MYO18A: variants seen among roughly 807,000 people sequenced by gnomAD.
MYO18A encodes the protein myosin XVIIIA.
A neutral mutation model predicts 235.8 loss-of-function variants in MYO18A; 78 were observed. That is an observed-to-expected ratio of 0.33 (90% CI 0.28 to 0.40). The LOEUF (loss-of-function observed/expected upper bound fraction) is 0.40. Among genes scored for constraint, MYO18A ranks in the 10% least tolerant of loss-of-function variants. MYO18A has a pLI of 1.00. For synonymous variants in MYO18A, 977 were observed against 1,077.8 expected (o/e 0.91, Z 1.83); for missense variants, 2,215 against 2,699.3 (o/e 0.82, Z 3.98).
chr17:29,145,983 C>T (rs1032500308), intron 2 of MYO18A, among the ~76,000 whole-genome samples: 3 of 152,280 alleles, frequency 2.0e-5, no homozygotes, highest in Middle Eastern at 3.4e-3. Context: ...GCCAGGCAGG[C>T]GTAGTGGCTC....
chr17:29,115,991 GC>G, intron 11 of MYO18A, 151 bp from the exon 12 acceptor site: 1 of 764,240 alleles, frequency 1.3e-6, no homozygotes, highest in East Asian at 2.8e-5. Context: ...GGGGCAGCCA[GC>G]AGTGGCCAGC....
At chr17:29,154,121 T>TGTGTGTGTGTGTGTGCGCGC (rs142430455) in intron 2 of MYO18A, among the ~76,000 whole-genome samples, 15,845 of 148,468 alleles carry the variant, frequency 0.11, 1,010 homozygotes, top group East Asian at 0.18. Flanking sequence ...TGTGTGTGTG[T>TGTGTGTGTGTGTGTGCGCGC]GCGCGCGCGT....
rs1233141010 is a variant in MYO18A, at chr17:29,121,526, G to A, written c.1371+21C>T. 1 of 1,582,836 alleles carries A rather than the reference G, an allele frequency of 6.3e-7. No individual in the cohort carries two copies. The highest frequency in any genetic ancestry group is 8.6e-7 in the Non-Finnish European group (1 of 1,163,972). On this transcript the variant is annotated intron_variant, in intron 5 of 41. Coordinates refer to ENST00000527372, the MANE Select transcript of MYO18A (RefSeq NM_078471.4). This position sits in a 1 kb window ranked among gnomAD's most constrained non-coding sequence, Gnocchi z 4.2. ...GGGGGTGGGACCAGGAGTCTGCAGG[G>A]TAGCCTTGAGGGTGCTGCACCTTCT...
Position 29,085,627 on chromosome 17 carries a change from C to CT in MYO18A, c.5873dup (p.Tyr1959ValfsTer7), listed in dbSNP as rs761339424. On this transcript the variant is annotated frameshift_variant, in exon 40 of 42. Transcript: ENST00000527372. LOFTEE classifies it high-confidence loss of function. Reference sequence around the variant, plus strand: ...ACAGTTTATTCTTTCTTTTCTGATACTTTGTCACCATGTCCTGCAAACTGG... The same window carrying CT: ...ACAGTTTATTCTTTCTTTTCTGATACTTTTGTCACCATGTCCTGCAAACTGG... 1 of 1,614,044 alleles carries CT rather than the reference C, an allele frequency of 6.2e-7. No individual in the cohort carries two copies. The highest frequency in any genetic ancestry group is 1.1e-5 in the South Asian group (1 of 91,086).
At position 29,158,716 on chromosome 17, in the gene MYO18A, G is replaced by A. The variant is rs1243086574; in HGVS notation, c.999+7226C>T. Among the ~76,000 whole-genome samples, 3 of 152,192 alleles carry A rather than the reference G, an allele frequency of 2.0e-5. No individual in the cohort carries two copies. The highest frequency in any genetic ancestry group is 1.9e-4 in the East Asian group (1 of 5,186). ...CAGCAGCTTAGTGCATTGGGGTGGC[G>A]GGAGCCCTGCTGGCAGGCAGCGCGT... On this transcript the variant is annotated intron_variant, in intron 2 of 41. Transcript: ENST00000527372. This position sits in a 1 kb window ranked among gnomAD's most constrained non-coding sequence, Gnocchi z 4.3.
At chr17:29,169,677 C>A (rs1302427106) in intron 1 of MYO18A, among the ~76,000 whole-genome samples, 2 of 152,138 alleles carry the variant, frequency 1.3e-5, no homozygotes, top group Non-Finnish European at 2.9e-5. Context: ...ACTCCAGGGG[C>A]ACTTGTGGAA....
chr17:29,131,637 G>C (rs2067476289), intron 2 of MYO18A, among the ~76,000 whole-genome samples: 1 of 152,224 alleles, frequency 6.6e-6, no homozygotes. Flanking sequence ...ATGACTTCAA[G>C]AATGAAGAGT....
At chr17:29,108,416 G>A (rs977867624) in intron 19 of MYO18A, among the ~76,000 whole-genome samples, 2 of 152,142 alleles carry the variant, frequency 1.3e-5, no homozygotes, top group African/African-American at 2.4e-5. Flanking sequence ...GGAGGGCCAC[G>A]AACTCCACTC....
In MYO18A at chr17:29,093,124, G is replaced by A. The variant is rs1375137006; in HGVS notation, c.4927-123C>T. 8.1e-6 allele frequency: 11 copies of A among 1,361,886 alleles called. No homozygotes were observed. In the South Asian group the frequency reaches 1.4e-4, roughly 17 times the overall value. 84.4% of individuals were successfully genotyped at this position (1,361,886 alleles called of 1,614,324 possible). ...CCCATAAGGATGCTGGAAGAGCCAG[G>A]GTCATGCCAACCAGCGATAAAGGGC... On this transcript the variant is annotated intron_variant, in intron 32 of 41. Transcript: ENST00000527372.
chr17:29,120,626 G>A lies in MYO18A; in HGVS notation c.1718C>T (p.Ala573Val). The A allele has an allele frequency of 2.5e-6, 4 of 1,613,700 alleles. No individual in the cohort carries two copies. The highest frequency in any genetic ancestry group is 2.5e-6 in the Non-Finnish European group (3 of 1,179,710). The change falls in exon 7 of 42, where the codon GCC (alanine) becomes GTC (valine). Residue 573 changes from alanine (A) to valine (V), a missense_variant. Physicochemically the swap from Ala to Val is moderately conservative, Grantham distance 64. Transcript: ENST00000527372. The surrounding 1 kb of genome is among the most constrained non-coding windows in gnomAD (Gnocchi z 4.2). ...GGGCAGCACTCTCACCTGAATGGAG[G>A]CTGAGGCCACCTGGCCAGCTTGGTC... Reference protein sequence around the residue: ...DFDQAGQVASASIQTMLLEKL... With the variant: ...DFDQAGQVASVSIQTMLLEKL...
rs998360649 is a variant in MYO18A, at chr17:29,126,267, C to G, written c.1000-4014G>C. On this transcript the variant is annotated intron_variant, in intron 2 of 41. Coordinates refer to ENST00000527372, the MANE Select transcript of MYO18A (RefSeq NM_078471.4). This position sits in a 1 kb window ranked among gnomAD's most constrained non-coding sequence, Gnocchi z 4.1. ...CAGGTGGCTAAACTCCAGGTCAGGG[C>G]ATGTCTCAGCTCCCATCTCCTCCCT... Among the ~76,000 whole-genome samples the G allele has an allele frequency of 7.9e-5, 12 of 151,078 alleles. No homozygotes were observed. The highest frequency in any genetic ancestry group is 2.9e-4 in the African/African-American group (12 of 41,308).
chr17:29,135,673 G>C (rs953215288), intron 2 of MYO18A, among the ~76,000 whole-genome samples: 11 of 152,206 alleles, frequency 7.2e-5, no homozygotes, highest in Admixed American at 5.2e-4. Context: ...CTGTTCCTCT[G>C]CATCAGCTGT....
chr17:29,117,951 G>T lies in MYO18A; in HGVS notation c.2038+94C>A. 1 of 1,421,288 alleles carries T rather than the reference G, an allele frequency of 7.0e-7. No individual in the cohort carries two copies. 88.0% of individuals were successfully genotyped at this position (1,421,288 alleles called of 1,614,324 possible). On this transcript the variant is annotated intron_variant, in intron 10 of 41. Coordinates refer to ENST00000527372, the MANE Select transcript of MYO18A (RefSeq NM_078471.4). This position sits in a 1 kb window ranked among gnomAD's most constrained non-coding sequence, Gnocchi z 4.6. ...AAGAGGGTTGTCTCAGAACGGCTAAGTCTGTGCTGGGCAAGAATAAACTGG... is the reference window on the plus strand; with the variant it reads ...AAGAGGGTTGTCTCAGAACGGCTAATTCTGTGCTGGGCAAGAATAAACTGG...
chr17:29,089,979 C>T lies in MYO18A; in HGVS notation c.5508G>A (p.Thr1836=), dbSNP rs764889687. The part of the protein sequence containing the change: ...ELETRLEFER[T]QVKRLESLAS... ...AACCCACCTCCAGCCGTTTCACTTG[C>T]GTCCTTTCAAACTCCAGGCGTGTCT... is the stretch of plus-strand genomic sequence containing the variant. The change falls in exon 37 of 42, where the codon ACG becomes ACA. Residue 1836 remains threonine (T), a synonymous_variant. Coordinates refer to ENST00000527372, the MANE Select transcript of MYO18A (RefSeq NM_078471.4). 54 of 1,613,930 alleles carry T rather than the reference C, an allele frequency of 3.3e-5. 1 individual carries two copies. Among genetic ancestry groups the T allele is most frequent in the South Asian group, 5.5e-5 (5 of 91,096 alleles).
In MYO18A at chr17:29,171,245, C is replaced by G. The variant is rs188124418; in HGVS notation, c.-81-4224G>C. On this transcript the variant is annotated intron_variant, in intron 1 of 41. Transcript: ENST00000527372. ...CAGGTGGATCATGAGGCCAAGAGAT[C>G]GAGACCATCCTGAAACCCCGTCTCT... Among the ~76,000 whole-genome samples the G allele has an allele frequency of 6.6e-5, 10 of 152,008 alleles. No individual in the cohort carries two copies. The East Asian group carries it at 7.8e-4, about 12-fold the overall frequency.
At chr17:29,154,121 T>TGTGTGTGTGTGTGC (rs142430455) in intron 2 of MYO18A, among the ~76,000 whole-genome samples, 9 of 148,998 alleles carry the variant, frequency 6.0e-5, no homozygotes, top group African/African-American at 2.3e-4. Flanking sequence ...TGTGTGTGTG[T>TGTGTGTGTGTGTGC]GCGCGCGCGT....
At chr17:29,130,983 T>C (rs2067458418) in intron 2 of MYO18A, among the ~76,000 whole-genome samples, 2 of 152,160 alleles carry the variant, frequency 1.3e-5, no homozygotes, top group South Asian at 4.1e-4. Context: ...TCCCAACAGC[T>C]GAGCTCTCAT....
chr17:29,080,821 A>G lies in MYO18A; in HGVS notation c.6020+1495T>C, dbSNP rs542739778. On this transcript the variant is annotated intron_variant, in intron 41 of 41. Transcript: ENST00000527372. ...TGGGCATGGCTCCTCCCTGGGGCCC[A>G]CATGGGCCTTCCTAGGGGGCCTCTC... The G allele has an allele frequency of 1.4e-4, 142 of 985,296 alleles. No homozygotes were observed. The African/African-American group carries it at 2.4e-3, about 17-fold the overall frequency. 61.0% of individuals were successfully genotyped at this position (985,296 alleles called of 1,614,324 possible). A position where few individuals can be genotyped will look rare whatever the true frequency, so the allele number is the denominator to read the frequency against.
At chr17:29,132,986 T>A (rs1211016517) in intron 2 of MYO18A, among the ~76,000 whole-genome samples, 1 of 152,186 alleles carries the variant, frequency 6.6e-6, no homozygotes, top group African/African-American at 2.4e-5. Flanking sequence ...GGACAAGTGT[T>A]CGCAAACCAC....
Sources: gnomAD v4.1 joint callset for allele counts (sites outside exome capture counted in the v4.1 genomes callset) on GRCh38, gnomAD v4.1.1 for gene constraint, Gnocchi (gnomAD v3.1) non-coding constraint, MANE v1.5 for transcripts, NCBI Gene and HGNC (gene_info 2026-07-23, HGNC 2026-07-21) for gene names.